The following SREBF2 variants were observed in gnomAD, a reference collection of about 807,000 sequenced individuals.
SREBF2 encodes sterol regulatory element-binding protein 2.
Under a neutral mutation model 113.1 loss-of-function variants are expected in SREBF2, and 55 were observed. That is an observed-to-expected ratio of 0.49 (90% confidence interval 0.39 to 0.61). The LOEUF (loss-of-function observed/expected upper bound fraction) is 0.61. Ranked by LOEUF, SREBF2 falls within the 20% of genes least tolerant of loss-of-function variation. The pLI is 0.00. For synonymous variants in SREBF2, 593 were observed against 605.7 expected, an observed-to-expected ratio of 0.98 and a Z score of 0.31; for missense variants, 1,349 against 1,487.4, an observed-to-expected ratio of 0.91 and a Z score of 1.53.
At chr22:41,863,232 T>A (rs2077042111) in intron 1 of SREBF2, among the ~76,000 whole-genome samples, 1 of 152,220 alleles carries the variant, frequency 6.6e-6, no homozygotes, top group Non-Finnish European at 1.5e-5. Context: ...TAAAGAGAAG[T>A]ATCTTGCCCA....
At chr22:41,871,373 C>T (rs2077139759) in intron 4 of SREBF2, among the ~76,000 whole-genome samples, 1 of 152,076 alleles carries the variant, frequency 6.6e-6, no homozygotes, top group Admixed American at 6.6e-5. Flanking sequence ...GGGAAGGGCT[C>T]CAAGGTGAAG....
chr22:41,876,676 C>A (rs1259216763), intron 7 of SREBF2, among the ~76,000 whole-genome samples: 1 of 152,106 alleles, frequency 6.6e-6, no homozygotes, highest in Non-Finnish European at 1.5e-5. Flanking sequence ...GGTCTTTGAT[C>A]AACTTCATTG....
intron 16 of SREBF2, chr22:41,901,063 G>T (rs1418834437): frequency 1.3e-5 from 6 of 474,260 alleles, no homozygotes; most frequent in East Asian, 1.2e-4. Flanking sequence ...CCTATCAGGT[G>T]GGGGAGGGGA....
At chr22:41,898,221 C>T (rs1053483161) in intron 14 of SREBF2, among the ~76,000 whole-genome samples, 2 of 152,168 alleles carry the variant, frequency 1.3e-5, no homozygotes, top group South Asian at 4.1e-4. Flanking sequence ...TCAAGCGATT[C>T]TCTTGCCTCA....
intron 13 of SREBF2, among the ~76,000 whole-genome samples, chr22:41,895,174 C>G (rs2077401915): frequency 6.7e-6 from 1 of 149,878 alleles, no homozygotes; most frequent in South Asian, 2.1e-4. Context: ...GAGTCTCGCT[C>G]TGTCACTCAG....
intron 7 of SREBF2, among the ~76,000 whole-genome samples, chr22:41,875,958 A>G (rs1261187783): frequency 6.6e-6 from 1 of 152,208 alleles, no homozygotes; most frequent in Non-Finnish European, 1.5e-5. Flanking sequence ...CCCGTCAGAG[A>G]GGAATGAGTG....
intron 1 of SREBF2, among the ~76,000 whole-genome samples, chr22:41,861,260 G>T (rs1048873687): frequency 6.6e-6 from 1 of 152,232 alleles, no homozygotes; most frequent in East Asian, 1.9e-4. Flanking sequence ...GAGGCAGGTG[G>T]ATCACAAGGT....
chr22:41,841,626 A>T (rs918926933), intron 1 of SREBF2, among the ~76,000 whole-genome samples: 6 of 152,208 alleles, frequency 3.9e-5, no homozygotes, highest in Admixed American at 2.0e-4. Flanking sequence ...TTGGCATTTT[A>T]AAAAATATAT....
At chr22:41,880,647 A>G in intron 9 of SREBF2, 69 bp from the exon 10 acceptor site, 1 of 1,592,406 alleles carries the variant, frequency 6.3e-7, no homozygotes, top group Non-Finnish European at 8.6e-7. Context: ...CAGGGGGAGT[A>G]GAAGTCTATA....
chr22:41,851,153 T>C (rs2076926375), intron 1 of SREBF2, among the ~76,000 whole-genome samples: 1 of 152,226 alleles, frequency 6.6e-6, no homozygotes, highest in African/African-American at 2.4e-5. Context: ...CATGAATGAA[T>C]TTAATTTCAG....
At chr22:41,902,855 C>G in intron 16 of SREBF2, 115 bp from the exon 17 acceptor site, 1 of 1,193,314 alleles carries the variant, frequency 8.4e-7, no homozygotes, top group Admixed American at 2.0e-5. Flanking sequence ...GGGCTCTCCA[C>G]TTCCTCCCAG....
At chr22:41,838,531 G>A (rs544149851) in intron 1 of SREBF2, among the ~76,000 whole-genome samples, 2 of 152,042 alleles carry the variant, frequency 1.3e-5, no homozygotes, top group East Asian at 1.9e-4. Context: ...TCAGGAGTTC[G>A]AGACCAGCTT....
In SREBF2 at chr22:41,877,237, T is replaced by C. The variant is rs372004359; in HGVS notation, c.1395T>C (p.Asp465=). ...GAGGCCTTGTTTTGAAGGTCAAAGA[T>C]GAGCCAGACTCTCCTCCTGTGGCGC... ...SPLLDDAKVK[D]EPDSPPVALG... is the part of the protein sequence containing the mutation. The change falls in exon 8 of 19, where the codon GAT becomes GAC. Residue 465 remains aspartate (D), a synonymous_variant. Transcript: ENST00000361204. The C allele has an allele frequency of 3.3e-5, 54 of 1,614,120 alleles. No individual in the cohort carries two copies. Among genetic ancestry groups the C allele is most frequent in the Non-Finnish European group, 4.4e-5 (52 of 1,180,052 alleles).
intron 1 of SREBF2, among the ~76,000 whole-genome samples, chr22:41,856,163 G>A (rs893654276): frequency 1.3e-5 from 2 of 151,870 alleles, no homozygotes; most frequent in Non-Finnish European, 2.9e-5. Flanking sequence ...GTCTTGGTCT[G>A]TCACCCAGGT....
At position 41,866,985 on chromosome 22, in the gene SREBF2, C is replaced by T. The variant is rs550403258; in HGVS notation, c.243C>T (p.Ser81=). The change falls in exon 2 of 19, where the codon AGC becomes AGT. Residue 81 remains serine, a synonymous_variant. Transcript: ENST00000361204. ...SSSSNGRGSS[S]GAVDPSVQRS... is the part of the protein sequence containing the mutation. ...GCAGCAATGGCAGGGGCAGCAGCAG[C>T]GGAGCTGTGGACCCTTCAGTGCAAC... 3.1e-6 allele frequency: 5 copies of T among 1,614,174 alleles called. No individual in the cohort carries two copies. The highest frequency in any genetic ancestry group is 1.3e-5 in the African/African-American group (1 of 75,018).
chr22:41,856,041 G>A (rs1184317143), intron 1 of SREBF2, among the ~76,000 whole-genome samples: 1 of 152,132 alleles, frequency 6.6e-6, no homozygotes, highest in Non-Finnish European at 1.5e-5. Context: ...TCCTGCCTTA[G>A]CCTCCTGAGT....
Position 41,877,392 on chromosome 22 carries a change from C to T in SREBF2, c.1550C>T (p.Ser517Phe). 7.4e-6 allele frequency: 12 copies of T among 1,614,238 alleles called. No homozygotes were observed. Among genetic ancestry groups the T allele is most frequent in the Non-Finnish European group, 1.0e-5 (12 of 1,180,036 alleles). The change falls in exon 8 of 19, where the codon TCT becomes TTT. Residue 517 changes from serine to phenylalanine, a missense_variant. This residue lies in a region of SREBF2 where 699 missense variants were observed against 843.3 expected (regional missense o/e 0.83). Transcript: ENST00000361204. The part of the protein sequence containing the change: ...HDSDQHPHSG[S>F]GRSVLSFESG... ...TCTGACCAGCACCCACACTCAGGCT[C>T]TGGCCGCAGTGTCCTGTCATTCGAG...
chr22:41,893,434 C>A, intron 12 of SREBF2, 149 bp downstream of exon 12: 2 of 943,834 alleles, frequency 2.1e-6, no homozygotes, highest in Non-Finnish European at 3.3e-6. Context: ...TTGTTTGAAC[C>A]AAAGCTCAGG....
intron 10 of SREBF2, 98 bp downstream of exon 10, chr22:41,881,090 C>G (rs528291693): frequency 2.1e-6 from 3 of 1,460,022 alleles, no homozygotes; most frequent in African/African-American, 2.8e-5. Flanking sequence ...TAGCTGAAGT[C>G]CCTTTAACGC....
Sources: gnomAD v4.1 joint callset for allele counts (sites outside exome capture counted in the v4.1 genomes callset) on GRCh38, gnomAD v4.1.1 for gene constraint, gnomAD v4.1.1 regional missense constraint, MANE v1.5 for transcripts, NCBI Gene and HGNC (gene_info 2026-07-23, HGNC 2026-07-21) for gene names.